Variants in GRID1 observed in about 807,000 individuals in gnomAD.
GRID1 encodes the protein glutamate receptor ionotropic, delta-1.
In GRID1, 28 loss-of-function variants were observed where a neutral mutation model predicts 98.0. The ratio of observed to expected loss-of-function variants is 0.29; its 90% confidence interval spans 0.21 to 0.39. The LOEUF is 0.39. Ranked by LOEUF, GRID1 falls within the 10% of genes least tolerant of loss-of-function variation. The probability of loss-of-function intolerance (pLI) is 1.00; values close to 1 mark genes in which losing one functional copy is unlikely to be tolerated. For synonymous variants in GRID1, 553 were observed against 538.5 expected (o/e 1.03, Z -0.37); for missense variants, 1,111 against 1,340.5 (o/e 0.83, Z 2.67).
At chr10:86,171,822 T>C (rs11201919) in intron 3 of GRID1, among the ~76,000 whole-genome samples, 5,035 of 152,314 alleles carry the variant, frequency 0.033, 121 homozygotes, top group Middle Eastern at 0.12. Context: ...GCATGATTCA[T>C]ATCAAGCATT....
intron 8 of GRID1, among the ~76,000 whole-genome samples, chr10:85,773,785 T>G (rs559906036): frequency 1.3e-5 from 2 of 152,258 alleles, no homozygotes; most frequent in South Asian, 4.1e-4. Context: ...AAGGACCTCT[T>G]CAAGGAGAAC....
intron 4 of GRID1, among the ~76,000 whole-genome samples, chr10:85,955,269 G>A (rs2131845841): frequency 6.6e-6 from 1 of 152,286 alleles, no homozygotes; most frequent in African/African-American, 2.4e-5. Context: ...AGCCCTTAGG[G>A]TCAGCATCAA....
chr10:86,173,722 C>T (rs11813635), intron 3 of GRID1, among the ~76,000 whole-genome samples: 13,360 of 125,380 alleles, frequency 0.11, 947 homozygotes, highest in African/African-American at 0.21. Context: ...CTATCCCTTC[C>T]CCCTCCCCCC....
At chr10:86,047,479 G>C (rs1313796963) in intron 4 of GRID1, among the ~76,000 whole-genome samples, 1 of 152,256 alleles carries the variant, frequency 6.6e-6, no homozygotes, top group South Asian at 2.1e-4. Flanking sequence ...GTTGCTAATA[G>C]GGTGGTGTGT....
chr10:85,665,953 A>C (rs1727212995), intron 12 of GRID1, among the ~76,000 whole-genome samples: 1 of 152,114 alleles, frequency 6.6e-6, no homozygotes, highest in Admixed American at 6.5e-5. Context: ...GGTGGAGAGG[A>C]GTGTGCACAG....
At chr10:85,961,158 G>A (rs1371121216) in intron 4 of GRID1, among the ~76,000 whole-genome samples, 3 of 152,090 alleles carry the variant, frequency 2.0e-5, no homozygotes, top group South Asian at 2.1e-4. Flanking sequence ...TCACAGTATC[G>A]CTCTGAGGAT....
chr10:86,195,288 T>C lies in GRID1; in HGVS notation c.520+11076A>G, dbSNP rs1017227362. On this transcript the variant is annotated intron_variant, in intron 3 of 15. Coordinates refer to ENST00000327946, the MANE Select transcript of GRID1 (RefSeq NM_017551.3). This position sits in a 1 kb window ranked among gnomAD's most constrained non-coding sequence, Gnocchi z 4.4. Reference sequence around the variant, plus strand: ...CTGGAATTGCCATCCATTCTGTCCTTCATGGTCTCCTGTAGAGATCAGGTC... The same window carrying C: ...CTGGAATTGCCATCCATTCTGTCCTCCATGGTCTCCTGTAGAGATCAGGTC... Among the ~76,000 whole-genome samples the C allele has an allele frequency of 2.6e-5, 4 of 152,094 alleles. No individual in the cohort carries two copies. Among genetic ancestry groups the C allele is most frequent in the African/African-American group, 9.7e-5 (4 of 41,438 alleles).
At chr10:85,740,204 C>T (rs77395746) in intron 8 of GRID1, among the ~76,000 whole-genome samples, 1 of 152,116 alleles carries the variant, frequency 6.6e-6, no homozygotes, top group African/African-American at 2.4e-5. Context: ...TCTGTTTCTT[C>T]CACAGATGAG....
At chr10:86,170,911 G>A (rs1845476031) in intron 3 of GRID1, among the ~76,000 whole-genome samples, 1 of 152,028 alleles carries the variant, frequency 6.6e-6, no homozygotes, top group Admixed American at 6.5e-5. Context: ...CTACACTCAA[G>A]TCAAGAAAAA....
At chr10:86,028,215 A>G (rs1270918842) in intron 4 of GRID1, among the ~76,000 whole-genome samples, 5 of 152,214 alleles carry the variant, frequency 3.3e-5, no homozygotes, top group African/African-American at 9.6e-5. Flanking sequence ...CTCCCACTGC[A>G]TATGTGTGCT....
intron 8 of GRID1, among the ~76,000 whole-genome samples, chr10:85,788,044 AT>A (rs1221691493): frequency 7.0e-6 from 1 of 142,372 alleles, no homozygotes; most frequent in Non-Finnish European, 1.5e-5. Flanking sequence ...TCTGGAGACT[AT>A]AAACTTCACA....
At chr10:86,343,721 CCCCACATCT>C (rs1356923310) in intron 2 of GRID1, among the ~76,000 whole-genome samples, 6 of 152,212 alleles carry the variant, frequency 3.9e-5, no homozygotes, top group Non-Finnish European at 8.8e-5. Context: ...AGGCGTGAAT[CCCCACATCT>C]CCCTAGTGAA....
chr10:85,727,405 G>C (rs1277494577), intron 10 of GRID1, among the ~76,000 whole-genome samples: 1 of 152,172 alleles, frequency 6.6e-6, no homozygotes, highest in African/African-American at 2.4e-5. Flanking sequence ...ATTTAAATAA[G>C]TATGAGGACC....
At chr10:86,102,771 G>A (rs1372426359) in intron 4 of GRID1, among the ~76,000 whole-genome samples, 1 of 151,922 alleles carries the variant, frequency 6.6e-6, no homozygotes, top group Admixed American at 6.6e-5. Context: ...CCTATGGAAG[G>A]GCAGGTGATA....
intron 4 of GRID1, among the ~76,000 whole-genome samples, chr10:86,053,714 T>C (rs1843535273): frequency 6.6e-6 from 1 of 152,174 alleles, no homozygotes; most frequent in South Asian, 2.1e-4. Flanking sequence ...CTCAGAGGCT[T>C]TCCTCAGGGG....
At chr10:85,881,407 T>C (rs1841012103) in intron 5 of GRID1, among the ~76,000 whole-genome samples, 1 of 152,166 alleles carries the variant, frequency 6.6e-6, no homozygotes, top group Non-Finnish European at 1.5e-5. Context: ...AACAGCATGG[T>C]ACTGGTACCA....
chr10:85,702,310 A>G (rs1841460782), intron 12 of GRID1, among the ~76,000 whole-genome samples: 1 of 152,090 alleles, frequency 6.6e-6, no homozygotes, highest in South Asian at 2.1e-4. Context: ...AATATTGCTA[A>G]AAGGCATGTG....
chr10:86,157,569 C>A (rs1845263680), intron 3 of GRID1, among the ~76,000 whole-genome samples: 1 of 152,148 alleles, frequency 6.6e-6, no homozygotes, highest in Non-Finnish European at 1.5e-5. Context: ...CATGCTCAAC[C>A]TTTTCTCTCC....
At chr10:85,887,573 G>A (rs1006461173) in intron 5 of GRID1, among the ~76,000 whole-genome samples, 1 of 152,142 alleles carries the variant, frequency 6.6e-6, no homozygotes, top group Non-Finnish European at 1.5e-5. Context: ...ATCCCCAGGT[G>A]ACTTATGGGC....
Sources: allele counts gnomAD v4.1 joint callset (sites outside exome capture counted in the v4.1 genomes callset), GRCh38; gene constraint gnomAD v4.1.1; non-coding constraint Gnocchi (gnomAD v3.1); transcripts MANE v1.5; gene names NCBI Gene and HGNC (gene_info 2026-07-23, HGNC 2026-07-21).